RAD51B: variants seen among roughly 807,000 people sequenced by gnomAD.
RAD51B encodes the protein RAD51 paralog B.
RAD51B carries 38 observed loss-of-function variants against 42.2 expected under a neutral mutation model. The ratio of observed to expected loss-of-function variants is 0.90; its 90% CI spans 0.70 to 1.18. The LOEUF (loss-of-function observed/expected upper bound fraction) is 1.18, where lower values mean the gene tolerates loss of function less well. RAD51B is among the 50% of genes most tolerant of loss of function. The pLI is 0.00. For synonymous variants in RAD51B, 154 were observed against 145.2 expected (o/e 1.06, Z -0.43); for missense variants, 373 against 400.7 (o/e 0.93, Z 0.59).
At chr14:67,821,424 A>G (rs1413161886) in intron 1 of RAD51B, among the ~76,000 whole-genome samples, 1 of 152,118 alleles carries the variant, frequency 6.6e-6, no homozygotes, top group East Asian at 1.9e-4. Context: ...GGTTGTTGTT[A>G]AAGTCCTTGT....
chr14:67,916,211 A>G (rs1220486545), intron 7 of RAD51B, among the ~76,000 whole-genome samples: 3 of 152,218 alleles, frequency 2.0e-5, no homozygotes, highest in Non-Finnish European at 2.9e-5. Flanking sequence ...AAATGCCATC[A>G]TATTTTATTG....
chr14:68,218,642 T>A (rs1022413736), intron 7 of RAD51B, among the ~76,000 whole-genome samples: 5 of 152,242 alleles, frequency 3.3e-5, no homozygotes, highest in African/African-American at 9.7e-5. Flanking sequence ...TATATGAATC[T>A]TTCTTTAGAG....
chr14:68,029,633 A>C (rs2076009587), intron 7 of RAD51B, among the ~76,000 whole-genome samples: 1 of 152,162 alleles, frequency 6.6e-6, no homozygotes, highest in South Asian at 2.1e-4. Flanking sequence ...CTGGAGTCTT[A>C]AACTCCTCAA....
At chr14:68,010,557 T>C (rs567409901) in intron 7 of RAD51B, among the ~76,000 whole-genome samples, 70 of 151,942 alleles carry the variant, frequency 4.6e-4, no homozygotes, top group African/African-American at 1.6e-3. Context: ...GATTCTGTTT[T>C]GTTAATATAA....
chr14:68,253,858 A>G (rs1458925602), intron 7 of RAD51B, among the ~76,000 whole-genome samples: 1 of 152,188 alleles, frequency 6.6e-6, no homozygotes. Flanking sequence ...CACTAAATAT[A>G]TTGCTATATA....
intron 8 of RAD51B, among the ~76,000 whole-genome samples, chr14:68,375,762 T>G (rs183931473): frequency 1.2e-4 from 18 of 152,160 alleles, no homozygotes; most frequent in Admixed American, 1.1e-3. Flanking sequence ...TAGTGAAAAA[T>G]ATAAAGAAAT....
intron 8 of RAD51B, among the ~76,000 whole-genome samples, chr14:68,354,411 C>T (rs963208093): frequency 1.3e-5 from 2 of 152,020 alleles, no homozygotes; most frequent in Admixed American, 6.5e-5. Flanking sequence ...GACGAGGTTT[C>T]ACCATGTTAG....
chr14:68,306,583 A>T (rs374890861), intron 8 of RAD51B: 1 of 503,288 alleles, frequency 2.0e-6, no homozygotes, highest in South Asian at 1.4e-5. Context: ...CTTTTGACCA[A>T]TTTGCATTGG....
At chr14:68,071,205 C>T (rs567844465) in intron 7 of RAD51B, among the ~76,000 whole-genome samples, 48 of 152,196 alleles carry the variant, frequency 3.2e-4, no homozygotes, top group African/African-American at 1.1e-3. Flanking sequence ...ATCATATTGT[C>T]TATGAAGAGA....
intron 4 of RAD51B, among the ~76,000 whole-genome samples, chr14:67,835,660 A>G (rs2041217531): frequency 6.6e-6 from 1 of 151,364 alleles, no homozygotes; most frequent in African/African-American, 2.4e-5. Flanking sequence ...CAGCACTTTG[A>G]GCAACAAGGC....
chr14:68,501,772 C>T (rs1884935054), intron 10 of RAD51B, among the ~76,000 whole-genome samples: 1 of 152,278 alleles, frequency 6.6e-6, no homozygotes, highest in African/African-American at 2.4e-5. Context: ...GAAATGTTGT[C>T]AATGTCAGGG....
intron 7 of RAD51B, among the ~76,000 whole-genome samples, chr14:68,250,038 A>G (rs1387725293): frequency 4.6e-5 from 7 of 152,184 alleles, no homozygotes; most frequent in Non-Finnish European, 8.8e-5. Context: ...GGGCCTCTTT[A>G]TTGTTTCCTC....
intron 10 of RAD51B, among the ~76,000 whole-genome samples, chr14:68,539,761 C>T (rs1473329582): frequency 6.6e-6 from 1 of 152,240 alleles, no homozygotes; most frequent in Non-Finnish European, 1.5e-5. Flanking sequence ...CCGCTGTCAG[C>T]TGGCTCAATG....
rs2042293838 is a variant in RAD51B at position 67,865,115 on chromosome 14, CA to C, written c.429del (p.Glu144SerfsTer12). The C allele has an allele frequency of 1.2e-6, 2 of 1,602,396 alleles. No individual in the cohort carries two copies. Among genetic ancestry groups the C allele is most frequent in the Non-Finnish European group, 1.7e-6 (2 of 1,174,810 alleles). On this transcript the variant is annotated frameshift_variant, in exon 5 of 11. Transcript: ENST00000471583. LOFTEE classifies it high-confidence loss of function. Reference sequence around the variant, plus strand: ...GAAGGAGCTGTGGTGTACATTGACACAGAGTCTGCATTTAGTGCTGAAAGGT... The same window carrying C: ...GAAGGAGCTGTGGTGTACATTGACACGAGTCTGCATTTAGTGCTGAAAGGT... ...GLEGAVVYIDTESAFSAERLV... is the reference protein window; with the variant it reads ...GLEGAVVYIDXESAFSAERLV...
intron 7 of RAD51B, among the ~76,000 whole-genome samples, chr14:68,224,983 G>T (rs956882030): frequency 2.6e-5 from 4 of 152,074 alleles, no homozygotes; most frequent in Middle Eastern, 3.4e-3. Context: ...GAGCCACTGC[G>T]CCCGGCCCAA....
chr14:68,185,287 G>C (rs566556828), intron 7 of RAD51B, among the ~76,000 whole-genome samples: 31 of 152,192 alleles, frequency 2.0e-4, no homozygotes, highest in African/African-American at 7.5e-4. Flanking sequence ...CAACATGTTA[G>C]ATTTAGCCTT....
At chr14:68,245,032 G>C (rs1189220415) in intron 7 of RAD51B, among the ~76,000 whole-genome samples, 1 of 152,188 alleles carries the variant, frequency 6.6e-6, no homozygotes, top group African/African-American at 2.4e-5. Flanking sequence ...TAGCTCAGAT[G>C]TGTCTATTGA....
intron 7 of RAD51B, among the ~76,000 whole-genome samples, chr14:68,234,870 CTGTT>C (rs1454985780): frequency 2.6e-5 from 4 of 152,150 alleles, no homozygotes; most frequent in Admixed American, 2.0e-4. Context: ...ATTACTGTAA[CTGTT>C]TGACTTTATA....
At chr14:68,044,623 T>C (rs934077541) in intron 7 of RAD51B, among the ~76,000 whole-genome samples, 3 of 152,208 alleles carry the variant, frequency 2.0e-5, no homozygotes, top group Non-Finnish European at 4.4e-5. Context: ...TAAAAATTTA[T>C]GTTTTTCTTC....
Sources: gnomAD v4.1 joint callset for allele counts (sites outside exome capture counted in the v4.1 genomes callset) on GRCh38, gnomAD v4.1.1 for gene constraint, MANE v1.5 for transcripts, NCBI Gene and HGNC (gene_info 2026-07-23, HGNC 2026-07-21) for gene names.